Variants in RBFOX1 observed in about 807,000 individuals in gnomAD.
RBFOX1 encodes the protein RNA binding fox-1 homolog 1, also known as RNA binding protein fox-1 homolog 1.
In RBFOX1, 8 loss-of-function variants were observed where a neutral mutation model predicts 57.7. The ratio of observed to expected loss-of-function variants is 0.14; its 90% CI spans 0.08 to 0.25. The LOEUF is 0.25. RBFOX1 is among the 10% of genes least tolerant of loss of function. RBFOX1 has a pLI of 1.00. For synonymous variants in RBFOX1, 326 were observed against 222.4 expected (o/e 1.47, Z -4.15); for missense variants, 611 against 548.5 (o/e 1.11, Z -1.14).
intron 3 of RBFOX1, among the ~76,000 whole-genome samples, chr16:6,902,977 A>G (rs1219276158): frequency 6.6e-6 from 1 of 152,182 alleles, no homozygotes; most frequent in Admixed American, 6.5e-5. Flanking sequence ...ACATAAACAA[A>G]ATAGTTACAC....
At chr16:6,357,262 A>G (rs926573289) in intron 2 of RBFOX1, among the ~76,000 whole-genome samples, 9 of 152,144 alleles carry the variant, frequency 5.9e-5, no homozygotes, top group African/African-American at 2.2e-4. Context: ...GCAAATAAAC[A>G]GAGAAGAAAA....
At chr16:7,553,734 T>G (rs2152566271) in intron 5 of RBFOX1, among the ~76,000 whole-genome samples, 1 of 152,316 alleles carries the variant, frequency 6.6e-6, no homozygotes, top group East Asian at 1.9e-4. Context: ...TAGAGTTAGC[T>G]GACTCAGTCC....
intron 2 of RBFOX1, among the ~76,000 whole-genome samples, chr16:6,456,064 C>A (rs189982680): frequency 1.6e-4 from 25 of 152,210 alleles, no homozygotes; most frequent in African/African-American, 5.8e-4. Flanking sequence ...GATTATATGT[C>A]TTTATATGTC....
intron 3 of RBFOX1, among the ~76,000 whole-genome samples, chr16:6,945,252 C>T (rs927595956): frequency 4.7e-4 from 72 of 152,220 alleles, no homozygotes; most frequent in African/African-American, 1.6e-3. Flanking sequence ...TGTCCTTGGG[C>T]AAGTCATGTG....
intron 3 of RBFOX1, among the ~76,000 whole-genome samples, chr16:5,865,863 C>G (rs1388816457): frequency 6.6e-6 from 1 of 152,038 alleles, no homozygotes; most frequent in Non-Finnish European, 1.5e-5. Context: ...TGGCTGCCTT[C>G]TTGCTGTGTC....
intron 2 of RBFOX1, among the ~76,000 whole-genome samples, chr16:6,321,949 C>G (rs1345496345): frequency 6.6e-6 from 1 of 152,184 alleles, no homozygotes; most frequent in African/African-American, 2.4e-5. Context: ...TCATTTCTTT[C>G]TGTCACTTAA....
At chr16:5,769,265 CAG>C (rs906400779) in intron 3 of RBFOX1, among the ~76,000 whole-genome samples, 2 of 151,952 alleles carry the variant, frequency 1.3e-5, no homozygotes, top group African/African-American at 4.8e-5. Context: ...TATTTGGAGA[CAG>C]GGTGTTTATG....
intron 1 of RBFOX1, among the ~76,000 whole-genome samples, chr16:6,215,006 G>A (rs1432984315): frequency 1.5e-5 from 2 of 137,728 alleles, no homozygotes; most frequent in African/African-American, 5.5e-5. Flanking sequence ...CAGGGAAAGA[G>A]GGAGAAGGGG....
At chr16:7,229,182 C>G (rs1276806443) in intron 4 of RBFOX1, among the ~76,000 whole-genome samples, 2 of 152,190 alleles carry the variant, frequency 1.3e-5, no homozygotes, top group East Asian at 3.8e-4. Context: ...TTCTTTCATG[C>G]TTCAGAAAGC....
intron 2 of RBFOX1, among the ~76,000 whole-genome samples, chr16:5,516,324 G>A (rs1241150886): frequency 6.6e-6 from 1 of 151,418 alleles, no homozygotes; most frequent in Non-Finnish European, 1.5e-5. Flanking sequence ...ATAGCTTCCT[G>A]TCTCCCTCAC....
chr16:6,908,165 C>T (rs1005334120), intron 3 of RBFOX1, among the ~76,000 whole-genome samples: 1 of 151,772 alleles, frequency 6.6e-6, no homozygotes, highest in Non-Finnish European at 1.5e-5. Flanking sequence ...ATCTACTTCT[C>T]TGCATCCCTA....
chr16:6,768,068 T>C (rs1182394565), intron 3 of RBFOX1, among the ~76,000 whole-genome samples: 1 of 151,682 alleles, frequency 6.6e-6, no homozygotes, highest in Admixed American at 6.6e-5. Context: ...TTTTCTCCCT[T>C]AGTTATTTAG....
intron 3 of RBFOX1, among the ~76,000 whole-genome samples, chr16:6,931,450 C>T (rs189121690): frequency 8.3e-4 from 127 of 152,152 alleles, no homozygotes; most frequent in Admixed American, 1.6e-3. Context: ...TGCCTTGGAC[C>T]AGCATCTCTG....
intron 3 of RBFOX1, among the ~76,000 whole-genome samples, chr16:6,906,193 T>G (rs975553913): frequency 1.3e-5 from 2 of 152,052 alleles, no homozygotes; most frequent in Non-Finnish European, 1.5e-5. Flanking sequence ...GAAGCAGATT[T>G]GTAGAAGGTG....
chr16:6,369,759 C>G (rs907422246), intron 2 of RBFOX1, among the ~76,000 whole-genome samples: 1 of 152,198 alleles, frequency 6.6e-6, no homozygotes, highest in Admixed American at 6.5e-5. Flanking sequence ...ATCTTAGTGT[C>G]AGTTCCAGAC....
At chr16:5,382,536 C>T (rs2066156839) in intron 1 of RBFOX1, among the ~76,000 whole-genome samples, 1 of 152,100 alleles carries the variant, frequency 6.6e-6, no homozygotes, top group Admixed American at 6.6e-5. Flanking sequence ...TTCTGATTTG[C>T]AAACAGGACT....
intron 5 of RBFOX1, among the ~76,000 whole-genome samples, chr16:7,526,078 G>A (rs745397074): frequency 4.6e-5 from 7 of 152,170 alleles, no homozygotes; most frequent in African/African-American, 7.2e-5. Flanking sequence ...ATCAACAATG[G>A]CATTAGATTC....
At chr16:6,640,610 A>G (rs1465144707) in intron 2 of RBFOX1, among the ~76,000 whole-genome samples, 6 of 121,026 alleles carry the variant, frequency 5.0e-5, no homozygotes, top group Non-Finnish European at 1.1e-4. Flanking sequence ...TCCATTGCCA[A>G]ATAAATAAAT....
intron 2 of RBFOX1, among the ~76,000 whole-genome samples, chr16:5,582,590 C>T (rs2046707587): frequency 6.9e-6 from 1 of 144,150 alleles, no homozygotes; most frequent in African/African-American, 2.7e-5. Flanking sequence ...GTCTTTGTTG[C>T]CCAGGCTGGA....
Sources: allele counts gnomAD v4.1 joint callset (sites outside exome capture counted in the v4.1 genomes callset), GRCh38; gene constraint gnomAD v4.1.1; transcripts MANE v1.5; gene names NCBI Gene and HGNC (gene_info 2026-07-23, HGNC 2026-07-21).